The following USP54 variants were observed in gnomAD, a reference collection of about 807,000 sequenced individuals.
USP54 encodes the protein ubiquitin carboxyl-terminal hydrolase 54.
Under a neutral mutation model 170.5 loss-of-function variants are expected in USP54, and 87 were observed. That is an observed-to-expected ratio of 0.51 (90% confidence interval 0.43 to 0.61). USP54 has a LOEUF of 0.61. Among genes scored for constraint, USP54 ranks in the 20% least tolerant of loss-of-function variants. The pLI is 0.00. For synonymous variants in USP54, 655 were observed against 742.8 expected (o/e 0.88, Z 1.92); for missense variants, 1,786 against 2,047.8 (o/e 0.87, Z 2.47).
rs1190734052 is a variant in USP54, at chr10:73,511,094, AC to A, written c.4051+5280del. 8.1e-5 allele frequency among the ~76,000 whole-genome samples: 10 copies of A among 123,034 alleles called. No homozygotes were observed. In the Admixed American group the frequency reaches 8.9e-4, roughly 11 times the overall value. The allele number at this position is 123,034 out of a possible 152,430, so 80.7% of individuals were successfully genotyped here. ...CGGGTACAAAGTTTCTGATGAAAAC[AC>A]CTTTTTTTTTTTTTTTTTTTTGAGA... is the stretch of plus-strand genomic sequence containing the variant. On this transcript the variant is annotated intron_variant, in intron 20 of 23. Coordinates refer to ENST00000687698, the MANE Select transcript of USP54 (RefSeq NM_001391956.1).
At chr10:73,554,433 C>T (rs1210990985) in intron 4 of USP54, among the ~76,000 whole-genome samples, 5 of 152,200 alleles carry the variant, frequency 3.3e-5, no homozygotes, top group Non-Finnish European at 5.9e-5. Flanking sequence ...AAACACTACC[C>T]TCTGTAAGTA....
At chr10:73,558,266 A>G (rs979840064) in intron 4 of USP54, among the ~76,000 whole-genome samples, 3 of 152,186 alleles carry the variant, frequency 2.0e-5, no homozygotes, top group Non-Finnish European at 2.9e-5. Flanking sequence ...AATGAAAGGC[A>G]TAATTAGTAA....
At chr10:73,624,198 A>T (rs575063240) in intron 1 of USP54, among the ~76,000 whole-genome samples, 4,126 of 102,342 alleles carry the variant, frequency 0.04, 154 homozygotes, top group South Asian at 0.13. Flanking sequence ...ATATATATGT[A>T]TTTTTTTTTT....
At chr10:73,588,156 A>T (rs2077743839) in intron 1 of USP54, among the ~76,000 whole-genome samples, 1 of 152,238 alleles carries the variant, frequency 6.6e-6, no homozygotes, top group African/African-American at 2.4e-5. Flanking sequence ...AAGGCCATAT[A>T]AAAAATGGGG....
Position 73,498,637 on chromosome 10 carries a change from G to T in USP54, c.5047C>A (p.Gln1683Lys). ...AAGGAAAGGAATAACCTTTACCATT[G>T]ACTGTGCTGCAGGACTCTAGCCCTG... ...QIRARVLQHS[Q>K]W The change falls in exon 24 of 24, where the codon CAA (glutamine) becomes AAA (lysine). Residue 1683 changes from glutamine to lysine, a missense_variant. Transcript: ENST00000687698. 6.5e-7 allele frequency: 1 copy of T among 1,533,746 alleles called. No individual in the cohort carries two copies. The highest frequency in any genetic ancestry group is 1.3e-5 in the South Asian group (1 of 78,236).
rs75148850 is a variant in USP54, at chr10:73,522,638, T to C, written c.2362+945A>G. Among the ~76,000 whole-genome samples, 278 of 152,260 alleles carry C rather than the reference T, an allele frequency of 1.8e-3. 1 individual carries two copies. The highest frequency in any genetic ancestry group is 5.9e-3 in the African/African-American group (244 of 41,528). ...AAAAAGGGAAAAAAGACTATCCAAATATAGAGACAGCTAAGTATTAGGAAT... is the reference window on the plus strand; with the variant it reads ...AAAAAGGGAAAAAAGACTATCCAAACATAGAGACAGCTAAGTATTAGGAAT... On this transcript the variant is annotated intron_variant, in intron 17 of 23. Transcript: ENST00000687698.
chr10:73,582,449 G>A (rs758644971), intron 1 of USP54, among the ~76,000 whole-genome samples: 1 of 151,422 alleles, frequency 6.6e-6, no homozygotes, highest in African/African-American at 2.4e-5. Flanking sequence ...GCAGTGATGC[G>A]ATCTTGGCTC....
intron 10 of USP54, among the ~76,000 whole-genome samples, chr10:73,539,237 C>A (rs979643425): frequency 6.8e-6 from 1 of 147,706 alleles, no homozygotes; most frequent in African/African-American, 2.5e-5. Flanking sequence ...CAAGACCAAG[C>A]CACTGCACTC....
chr10:73,531,607 C>G (rs1463667995), intron 12 of USP54, among the ~76,000 whole-genome samples: 1 of 152,104 alleles, frequency 6.6e-6, no homozygotes, highest in Admixed American at 6.6e-5. Context: ...CACAAGAGGT[C>G]TGATTTTATA....
intron 1 of USP54, among the ~76,000 whole-genome samples, chr10:73,617,750 C>T (rs1345855393): frequency 1.3e-5 from 2 of 149,128 alleles, no homozygotes; most frequent in Non-Finnish European, 2.9e-5. Context: ...GTGAAAAAAA[C>T]TTTTTTAAAA....
Position 73,596,670 on chromosome 10 carries a change from G to A in USP54, c.-17-20995C>T, listed in dbSNP as rs546080478. ...GGAGGTGGAGGTTGCAGTGAGCTGA[G>A]ATCAGGCCATCGCACTCCAGTCTGA... is the stretch of plus-strand genomic sequence containing the variant. On this transcript the variant is annotated intron_variant, in intron 1 of 22. Transcript: ENST00000339859. 1.2e-3 allele frequency among the ~76,000 whole-genome samples: 153 copies of A among 127,208 alleles called. 1 individual carries two copies. Among genetic ancestry groups the A allele is most frequent in the Non-Finnish European group, 1.9e-3 (121 of 64,272 alleles). The allele number at this position is 127,208 out of a possible 152,430, so 83.5% of individuals were successfully genotyped here. A position where few individuals can be genotyped will look rare whatever the true frequency, so the allele number is the denominator to read the frequency against.
At chr10:73,613,744 T>C (rs1246661354) in intron 1 of USP54, among the ~76,000 whole-genome samples, 1 of 151,560 alleles carries the variant, frequency 6.6e-6, no homozygotes, top group Non-Finnish European at 1.5e-5. Context: ...CTGGGCGTGG[T>C]GGCGCGTGCC....
At chr10:73,584,854 T>C (rs2077299724) in intron 1 of USP54, among the ~76,000 whole-genome samples, 1 of 152,148 alleles carries the variant, frequency 6.6e-6, no homozygotes, top group Non-Finnish European at 1.5e-5. Flanking sequence ...GAGGGCCTGG[T>C]GTGGATCTCT....
At chr10:73,584,518 T>C (rs928126719) in intron 1 of USP54, among the ~76,000 whole-genome samples, 2 of 152,220 alleles carry the variant, frequency 1.3e-5, no homozygotes, top group Non-Finnish European at 2.9e-5. Flanking sequence ...TTCAGAAACC[T>C]GTTTCTCAGA....
At chr10:73,566,880 G>C (rs1384969808) in intron 4 of USP54, among the ~76,000 whole-genome samples, 1 of 151,592 alleles carries the variant, frequency 6.6e-6, no homozygotes, top group Non-Finnish European at 1.5e-5. Flanking sequence ...TTGTTTTTTT[G>C]TTTTGTTTTG....
chr10:73,593,872 A>G (rs77124484), upstream of USP54, among the ~76,000 whole-genome samples: 5,067 of 152,238 alleles, frequency 0.033, 211 homozygotes, highest in East Asian at 0.22. Flanking sequence ...GCATTGAAAG[A>G]ACATTTTGCT....
chr10:73,546,338 T>G (rs544054815), intron 4 of USP54, among the ~76,000 whole-genome samples: 3 of 152,252 alleles, frequency 2.0e-5, no homozygotes, highest in Middle Eastern at 3.4e-3. Context: ...GGGTTTTTTG[T>G]TTTTTTGTGT....
At chr10:73,583,270 CCT>C (rs1217806192) in intron 1 of USP54, among the ~76,000 whole-genome samples, 4 of 152,042 alleles carry the variant, frequency 2.6e-5, no homozygotes. Flanking sequence ...ATGGCGAAAC[CCT>C]GTCTCTACAA....
At chr10:73,515,596 G>A (rs1370739927) in intron 20 of USP54, among the ~76,000 whole-genome samples, 1 of 152,102 alleles carries the variant, frequency 6.6e-6, no homozygotes, top group Non-Finnish European at 1.5e-5. Flanking sequence ...GATCAGGAAG[G>A]TCTTGATATT....
Sources: allele counts gnomAD v4.1 joint callset (sites outside exome capture counted in the v4.1 genomes callset), GRCh38; gene constraint gnomAD v4.1.1; transcripts MANE v1.5; gene names NCBI Gene and HGNC (gene_info 2026-07-23, HGNC 2026-07-21).